Variants in SECISBP2 observed in about 807,000 individuals in gnomAD.
SECISBP2 encodes SECIS binding protein 2, also known as selenocysteine insertion sequence-binding protein 2.
Under a neutral mutation model 98.2 loss-of-function variants are expected in SECISBP2, and 96 were observed. That is an observed-to-expected ratio of 0.98 (90% CI 0.83 to 1.16). The LOEUF (loss-of-function observed/expected upper bound fraction) is 1.16, where lower values mean the gene tolerates loss of function less well. SECISBP2 is among the 50% of genes most tolerant of loss of function. The pLI is 0.00. For missense variants in SECISBP2, 1,046 were observed against 1,022.9 expected (o/e 1.02, Z -0.31); for synonymous variants, 407 against 370.2 (o/e 1.10, Z -1.14).
At chr9:89,363,281 T>G (rs1833027321), downstream of SECISBP2, 1 of 1,160,450 alleles carries the variant, frequency 8.6e-7, no homozygotes, top group Non-Finnish European at 1.2e-6. Flanking sequence ...CCCCCAGTGT[T>G]GCAGATTTCA....
At chr9:89,363,643 C>A (rs1833109285), downstream of SECISBP2, 2 of 1,590,716 alleles carry the variant, frequency 1.3e-6, no homozygotes, top group Non-Finnish European at 1.7e-6. Flanking sequence ...CAGAATGCCA[C>A]CGTGCAAGCA....
chr9:89,350,776 G>T lies in SECISBP2; in HGVS notation c.2037G>T (p.Glu679Asp), dbSNP rs752065770. Residue 679 changes from glutamate to aspartate, a missense_variant, in exon 14 of 17, where the codon GAG (glutamate) becomes GAT (aspartate). Coordinates refer to ENST00000375807, the MANE Select transcript of SECISBP2 (RefSeq NM_024077.5). ...GTCGACTTGTGTTGGGGTTGAGGGA[G>T]GTTCTCAAACACCTGAAGCTCAAAA... ...TKRRLVLGLR[E>D]VLKHLKLKKL... 1.1e-5 allele frequency: 18 copies of T among 1,614,056 alleles called. No homozygotes were observed. Among genetic ancestry groups the T allele is most frequent in the Admixed American group, 6.7e-5 (4 of 60,002 alleles).
chr9:89,360,255 G>A (rs1281530539), downstream of SECISBP2, among the ~76,000 whole-genome samples: 4 of 152,158 alleles, frequency 2.6e-5, no homozygotes, highest in Non-Finnish European at 4.4e-5. Context: ...GGCAGTCAGC[G>A]GGGCCAGCAG....
At position 89,328,668 on chromosome 9, in the gene SECISBP2, C is replaced by T; in HGVS notation, c.583C>T (p.His195Tyr). 1.2e-6 allele frequency: 2 copies of T among 1,613,610 alleles called. No homozygotes were observed. Among genetic ancestry groups the T allele is most frequent in the Non-Finnish European group, 1.7e-6 (2 of 1,179,538 alleles). ...AENSLKSDGYHKRTDRKSRII... is the reference protein window; with the variant it reads ...AENSLKSDGYYKRTDRKSRII... Reference sequence around the variant, plus strand: ...TAATTTTGTAATTACAGATGGTTACCATAAGCGAACAGACAGGAAATCCAG... The same window carrying T: ...TAATTTTGTAATTACAGATGGTTACTATAAGCGAACAGACAGGAAATCCAG... Residue 195 changes from histidine (H) to tyrosine (Y), a missense_variant, in exon 5 of 17, where the codon CAT becomes TAT. Coordinates refer to ENST00000375807, the MANE Select transcript of SECISBP2 (RefSeq NM_024077.5).
intron 3 of SECISBP2, 96 bp downstream of exon 3, chr9:89,325,772 CAT>C: frequency 1.9e-6 from 3 of 1,586,608 alleles, no homozygotes; most frequent in South Asian, 1.1e-5. Context: ...ATTTAAGTAT[CAT>C]GTATTTTTTT....
rs565681906 is a variant in SECISBP2, at chr9:89,322,840, G to C, written c.183-2587G>C. 3 of 152,340 alleles carry C rather than the reference G, an allele frequency of 2.0e-5. No individual in the cohort carries two copies. The South Asian group carries it at 6.2e-4, about 32-fold the overall frequency. The allele number at this position is 152,340 out of a possible 1,614,324, so 9.4% of individuals were successfully genotyped here. On this transcript the variant is annotated intron_variant, in intron 2 of 16. Transcript: ENST00000375807. ...AAAGTGATAATTTTGGGGGGAAGCT[G>C]TCAGTAGATTGGAAGCCTGCATAGT...
At chr9:89,363,513 C>T, downstream of SECISBP2, 1 of 1,614,100 alleles carries the variant, frequency 6.2e-7, no homozygotes, top group Non-Finnish European at 8.5e-7. Flanking sequence ...GTCCACCTCT[C>T]CTGGTGGGTC....
chr9:89,331,361 A>G (rs1827723998), intron 5 of SECISBP2, among the ~76,000 whole-genome samples: 1 of 152,258 alleles, frequency 6.6e-6, no homozygotes, highest in South Asian at 2.1e-4. Flanking sequence ...TGGTGAGCAT[A>G]AAAGTTATGT....
chr9:89,347,465 C>CTTTTTTT (rs1184563393), intron 11 of SECISBP2, among the ~76,000 whole-genome samples: 3 of 87,402 alleles, frequency 3.4e-5, no homozygotes, highest in African/African-American at 4.4e-5. Context: ...CCGGTGAATT[C>CTTTTTTT]TTTTTTTTTT....
At chr9:89,352,556 G>A (rs974858618) in intron 14 of SECISBP2, among the ~76,000 whole-genome samples, 1 of 152,202 alleles carries the variant, frequency 6.6e-6, no homozygotes, top group Non-Finnish European at 1.5e-5. Context: ...TGGGGTTACA[G>A]GATGTGGGAC....
In SECISBP2 at chr9:89,350,771, A is replaced by G. The variant is rs762492784; in HGVS notation, c.2032A>G (p.Arg678Gly). 1.2e-6 allele frequency: 2 copies of G among 1,614,240 alleles called. No homozygotes were observed. Among genetic ancestry groups the G allele is most frequent in the Non-Finnish European group, 1.7e-6 (2 of 1,180,038 alleles). ...KTKRRLVLGL[R>G]EVLKHLKLKK... ...TAAACGTCGACTTGTGTTGGGGTTG[A>G]GGGAGGTTCTCAAACACCTGAAGCT... Residue 678 changes from arginine to glycine, a missense_variant, in exon 14 of 17, where the codon AGG becomes GGG. Coordinates refer to ENST00000375807, the MANE Select transcript of SECISBP2 (RefSeq NM_024077.5).
chr9:89,363,688 A>C (rs995424338), downstream of SECISBP2: 2 of 1,596,238 alleles, frequency 1.3e-6, no homozygotes, highest in African/African-American at 1.3e-5. Flanking sequence ...GCCATTGTAA[A>C]TAGTGAAAAA....
Position 89,357,488 on chromosome 9 carries a change from C to A in SECISBP2, c.2191C>A (p.Arg731Ser). The A allele has an allele frequency of 6.2e-7, 1 of 1,614,192 alleles. No individual in the cohort carries two copies. The highest frequency in any genetic ancestry group is 1.1e-5 in the South Asian group (1 of 91,088). ...CATTCCCTTTGTGTTTGCTCTCAAC[C>A]GCAAAGCTCTGGGGCGCAGTTTGAA... ...QNIPFVFALN[R>S]KALGRSLNKA... is the part of the protein sequence containing the mutation. The change falls in exon 15 of 17, where the codon CGC (arginine) becomes AGC (serine). Residue 731 changes from arginine to serine, a missense_variant. Physicochemically the swap from Arg to Ser is moderately radical, Grantham distance 110. Transcript: ENST00000375807.
At chr9:89,346,355 G>A (rs1027198018) in intron 10 of SECISBP2, among the ~76,000 whole-genome samples, 8 of 152,162 alleles carry the variant, frequency 5.3e-5, no homozygotes, top group African/African-American at 1.2e-4. Flanking sequence ...TGGAAAACAC[G>A]TCTGGAAAAC....
rs780131918 is a variant in SECISBP2, at chr9:89,339,894, G to C, written c.1243G>C (p.Ala415Pro). ...CGAGGAATTTCCCAACCTGGCAGTTGCATCTGAAAGAAGAGACAGAATAGA... is the reference window on the plus strand; with the variant it reads ...CGAGGAATTTCCCAACCTGGCAGTTCCATCTGAAAGAAGAGACAGAATAGA... ...DAEEFPNLAV[A>P]SERRDRIETP... The change falls in exon 9 of 17, where the codon GCA becomes CCA. Residue 415 changes from alanine to proline, a missense_variant. Physicochemically the swap from Ala to Pro is conservative, Grantham distance 27. Transcript: ENST00000375807. 1.2e-6 allele frequency: 2 copies of C among 1,613,800 alleles called. No homozygotes were observed. The highest frequency in any genetic ancestry group is 1.7e-6 in the Non-Finnish European group (2 of 1,179,770).
intron 7 of SECISBP2, 48 bp from the exon 8 acceptor site, chr9:89,338,410 A>G (rs370659705): frequency 1.2e-4 from 193 of 1,608,382 alleles, no homozygotes; most frequent in Non-Finnish European, 1.6e-4. Context: ...TAAACATTCT[A>G]TTGACCGCCC....
At chr9:89,340,015 C>A in intron 9 of SECISBP2, 62 bp downstream of exon 9, 1 of 1,241,064 alleles carries the variant, frequency 8.1e-7, no homozygotes, top group East Asian at 2.3e-5. Flanking sequence ...CAACTAAATG[C>A]TTGAGAAAAA....
chr9:89,364,097 C>G, downstream of SECISBP2: 1 of 1,509,144 alleles, frequency 6.6e-7, no homozygotes, highest in Non-Finnish European at 8.9e-7. Flanking sequence ...TGGGACTGCC[C>G]TGGAGGTGGC....
chr9:89,363,431 C>T (rs1323789887), downstream of SECISBP2: 7 of 1,612,822 alleles, frequency 4.3e-6, no homozygotes, highest in Non-Finnish European at 5.9e-6. Context: ...GCCACTTACC[C>T]ACGCCTTCCT....
Sources: gnomAD v4.1 joint callset for allele counts (sites outside exome capture counted in the v4.1 genomes callset) on GRCh38, gnomAD v4.1.1 for gene constraint, MANE v1.5 for transcripts, NCBI Gene and HGNC (gene_info 2026-07-23, HGNC 2026-07-21) for gene names.